Variants in LTBP1 observed in about 807,000 individuals in gnomAD.
The protein encoded by LTBP1 is latent transforming growth factor beta binding protein 1.
In LTBP1, 129 loss-of-function variants were observed where a neutral mutation model predicts 207.6. That is an observed-to-expected ratio of 0.62 (90% CI 0.54 to 0.72). LTBP1 has a LOEUF of 0.72. Ranked by LOEUF, LTBP1 falls within the 30% of genes least tolerant of loss-of-function variation. LTBP1 has a pLI of 0.00. For missense variants in LTBP1, 2,281 were observed against 2,217.2 expected, an observed-to-expected ratio of 1.03 and a Z score of -0.58; for synonymous variants, 963 against 833.7, an observed-to-expected ratio of 1.16 and a Z score of -2.67.
chr2:32,978,045 A>G (rs1325509033), intron 2 of LTBP1, among the ~76,000 whole-genome samples: 2 of 152,074 alleles, frequency 1.3e-5, no homozygotes, highest in African/African-American at 4.8e-5. Context: ...AATGTTACTG[A>G]TTTCCATATG....
At chr2:33,047,654 A>T (rs1042679751) in intron 3 of LTBP1, among the ~76,000 whole-genome samples, 1 of 152,154 alleles carries the variant, frequency 6.6e-6, no homozygotes, top group African/African-American at 2.4e-5. Flanking sequence ...AGCTGAGTTC[A>T]AGTCCTGAAT....
chr2:32,965,039 TAAAAAAA>T (rs1017366407), intron 2 of LTBP1, among the ~76,000 whole-genome samples: 3 of 151,640 alleles, frequency 2.0e-5, no homozygotes, highest in African/African-American at 7.3e-5. Context: ...ACTATCTTAA[TAAAAAAA>T]ACAAAAAACA....
At chr2:33,077,315 C>A (rs962245750) in intron 3 of LTBP1, among the ~76,000 whole-genome samples, 1 of 152,168 alleles carries the variant, frequency 6.6e-6, no homozygotes, top group African/African-American at 2.4e-5. Flanking sequence ...TTTGGAAAAG[C>A]GTATAAGTCC....
intron 24 of LTBP1, among the ~76,000 whole-genome samples, chr2:33,333,816 C>T (rs1001117129): frequency 2.6e-5 from 4 of 151,208 alleles, no homozygotes; most frequent in Non-Finnish European, 2.9e-5. Flanking sequence ...AGATCTAGAC[C>T]GCATGTGAAG....
intron 3 of LTBP1, among the ~76,000 whole-genome samples, chr2:33,031,691 T>C (rs2075698704): frequency 6.6e-6 from 1 of 152,020 alleles, no homozygotes; most frequent in Non-Finnish European, 1.5e-5. Context: ...AGGTGGACGA[T>C]AGGGTGGGAA....
chr2:33,327,238 T>C (rs924824613), intron 24 of LTBP1, among the ~76,000 whole-genome samples: 1 of 152,182 alleles, frequency 6.6e-6, no homozygotes, highest in Non-Finnish European at 1.5e-5. Context: ...CTATGACCTA[T>C]CTTTTGAACA....
intron 7 of LTBP1, among the ~76,000 whole-genome samples, chr2:33,195,148 T>C (rs2088403765): frequency 6.6e-6 from 1 of 152,208 alleles, no homozygotes; most frequent in Admixed American, 6.5e-5. Context: ...AGATGAATGT[T>C]GTTTTCATGC....
At chr2:33,285,172 G>A (rs1267468159) in intron 19 of LTBP1, among the ~76,000 whole-genome samples, 3 of 150,848 alleles carry the variant, frequency 2.0e-5, no homozygotes, top group African/African-American at 7.3e-5. Context: ...CTCCCGAGTA[G>A]CTGGGATTAC....
At chr2:33,277,831 T>TTCTTTCTTTC (rs1257869846) in intron 18 of LTBP1, among the ~76,000 whole-genome samples, 1 of 40,042 alleles carries the variant, frequency 2.5e-5, no homozygotes, top group African/African-American at 1.6e-4. Flanking sequence ...CTTTCTTTCT[T>TTCTTTCTTTC]TTTTTTTTTT....
chr2:32,947,621 ACCGCCGCCGCCG>A lies in LTBP1; in HGVS notation c.307_318del (p.Pro103_Pro106del). 3 of 1,327,098 alleles carry A rather than the reference ACCGCCGCCGCCG, an allele frequency of 2.3e-6. No individual in the cohort carries two copies. Among genetic ancestry groups the A allele is most frequent in the South Asian group, 2.0e-5 (1 of 49,922 alleles). 82.2% of individuals were successfully genotyped at this position (1,327,098 alleles called of 1,614,324 possible). A position where few individuals can be genotyped will look rare whatever the true frequency, so the allele number is the denominator to read the frequency against. On this transcript the variant is annotated inframe_deletion, in exon 1 of 34. Transcript: ENST00000404816. The stretch of plus-strand genomic sequence containing the variant: ...GCGGCGCGGCCCTGCAGGGGCTCAG[ACCGCCGCCGCCG>A]CCGCCGCCGGAGCCTGCGCGTCCCG...
At chr2:33,127,702 C>T (rs905460438) in intron 4 of LTBP1, among the ~76,000 whole-genome samples, 16 of 152,262 alleles carry the variant, frequency 1.1e-4, no homozygotes, top group African/African-American at 3.1e-4. Flanking sequence ...TATCCATAGA[C>T]GTGTCTGCAA....
chr2:33,198,682 G>A (rs1293511691), intron 7 of LTBP1, among the ~76,000 whole-genome samples: 1 of 152,208 alleles, frequency 6.6e-6, no homozygotes, highest in Non-Finnish European at 1.5e-5. Context: ...TAGTGTATTA[G>A]CGTAGAGGTG....
At chr2:33,209,670 C>A (rs1312376250) in intron 7 of LTBP1, among the ~76,000 whole-genome samples, 1 of 152,186 alleles carries the variant, frequency 6.6e-6, no homozygotes, top group Non-Finnish European at 1.5e-5. Flanking sequence ...ATTTCTATAT[C>A]TAACTTACGT....
At chr2:33,315,506 C>G (rs1419893833) in intron 24 of LTBP1, among the ~76,000 whole-genome samples, 1 of 152,172 alleles carries the variant, frequency 6.6e-6, no homozygotes, top group Non-Finnish European at 1.5e-5. Context: ...ACGACTGGTA[C>G]TGAATTAATG....
intron 3 of LTBP1, among the ~76,000 whole-genome samples, chr2:33,043,924 G>C (rs1463084401): frequency 1.3e-5 from 2 of 151,988 alleles, no homozygotes; most frequent in Non-Finnish European, 2.9e-5. Flanking sequence ...AGCTAGGAGA[G>C]CCCTTGTAGA....
chr2:32,960,824 G>T (rs1217370085), intron 2 of LTBP1, among the ~76,000 whole-genome samples: 1 of 152,140 alleles, frequency 6.6e-6, no homozygotes, highest in African/African-American at 2.4e-5. Context: ...GTGGGGATAG[G>T]CCTGGCTTGT....
intron 32 of LTBP1, among the ~76,000 whole-genome samples, chr2:33,393,033 A>AT (rs113729924): frequency 4.8e-4 from 72 of 148,964 alleles, no homozygotes; most frequent in African/African-American, 1.3e-3. Flanking sequence ...GTATTACTCA[A>AT]TTTTTTTTTT....
At chr2:33,206,866 G>A in intron 7 of LTBP1, among the ~76,000 whole-genome samples, 1 of 152,022 alleles carries the variant, frequency 6.6e-6, no homozygotes, top group Non-Finnish European at 1.5e-5. Context: ...CTCAACATGA[G>A]TCTTTCTTTT....
rs114889705 is a variant in LTBP1 at position 33,188,776 on chromosome 2, G to C, written c.1626G>C (p.Gln542His). 442 of 1,614,122 alleles carry C rather than the reference G, an allele frequency of 2.7e-4. 2 individuals carry two copies. The African/African-American group carries it at 5.2e-3, about 19-fold the overall frequency. ...QTIHSTYSHQ[Q>H]VIPHVYPVAA... ...TACATTCCACATACTCCCACCAGCAGGTCATTCCTCACGTCTACCCCGTGG... is the reference window on the plus strand; with the variant it reads ...TACATTCCACATACTCCCACCAGCACGTCATTCCTCACGTCTACCCCGTGG... Residue 542 changes from glutamine (Q) to histidine (H), a missense_variant, in exon 7 of 34, where the codon CAG becomes CAC. By Grantham distance (24) the Gln-to-His change is conservative. Transcript: ENST00000404816.
Sources: gnomAD v4.1 joint callset for allele counts (sites outside exome capture counted in the v4.1 genomes callset) on GRCh38, gnomAD v4.1.1 for gene constraint, MANE v1.5 for transcripts, NCBI Gene and HGNC (gene_info 2026-07-23, HGNC 2026-07-21) for gene names.